WDR47: variants seen among roughly 807,000 people sequenced by gnomAD.
WDR47 encodes the protein WD repeat-containing protein 47.
Under a neutral mutation model 97.2 loss-of-function variants are expected in WDR47, and 32 were observed. The observed-to-expected ratio is 0.33, with a 90% confidence interval of 0.25 to 0.44. The LOEUF (loss-of-function observed/expected upper bound fraction) is 0.44, where lower values mean the gene tolerates loss of function less well. Among genes scored for constraint, WDR47 ranks in the 20% least tolerant of loss-of-function variants. The probability of loss-of-function intolerance (pLI) is 1.00; values close to 1 mark genes in which losing one functional copy is unlikely to be tolerated. For synonymous variants in WDR47, 375 were observed against 373.5 expected (o/e 1.00, Z -0.05); for missense variants, 782 against 1,102.3 (o/e 0.71, Z 4.11).
chr1:108,990,740 G>T (rs1659270074), intron 9 of WDR47, among the ~76,000 whole-genome samples: 1 of 151,786 alleles, frequency 6.6e-6, no homozygotes, highest in Non-Finnish European at 1.5e-5. Flanking sequence ...AAGGATGTTT[G>T]CTTCCAAAGC....
chr1:109,033,693 G>A (rs953888265), intron 1 of WDR47, among the ~76,000 whole-genome samples: 1 of 152,346 alleles, frequency 6.6e-6, no homozygotes, highest in East Asian at 1.9e-4. Flanking sequence ...GGCCAAGGCG[G>A]GCAGATCACA....
At chr1:109,013,108 T>C (rs972863591) in intron 4 of WDR47, among the ~76,000 whole-genome samples, 11 of 152,138 alleles carry the variant, frequency 7.2e-5, no homozygotes, top group African/African-American at 2.4e-4. Flanking sequence ...GAGAGCTAGC[T>C]AGCCTCTTTA....
Position 108,982,687 on chromosome 1 carries a change from C to A in WDR47, c.2188G>T (p.Ala730Ser). The A allele has an allele frequency of 6.2e-7, 1 of 1,614,112 alleles. No homozygotes were observed. The highest frequency in any genetic ancestry group is 8.5e-7 in the Non-Finnish European group (1 of 1,180,010). Residue 730 changes from alanine (A) to serine (S), a missense_variant, in exon 12 of 15, where the codon GCT (alanine) becomes TCT (serine). Physicochemically the swap from Ala to Ser is moderately conservative, Grantham distance 99. Transcript: ENST00000369962. ...TAAATGTTACAATCCCCTGCTCCAG[C>A]ACTTATTAAAATAGCTCCTCCGCTT... is the stretch of plus-strand genomic sequence containing the variant. The part of the protein sequence containing the change: ...PESGGAILIS[A>S]GAGDCNIYTT...
chr1:109,026,594 C>G (rs1047906972), intron 1 of WDR47, among the ~76,000 whole-genome samples: 2 of 152,026 alleles, frequency 1.3e-5, no homozygotes, highest in Non-Finnish European at 2.9e-5. Flanking sequence ...TAATTTAACT[C>G]TCAGAAAAAA....
At chr1:109,002,201 TA>T in intron 7 of WDR47, 22 bp downstream of exon 7, 1 of 1,530,924 alleles carries the variant, frequency 6.5e-7, no homozygotes, top group South Asian at 1.3e-5. Flanking sequence ...CTCCATATTT[TA>T]AAAAGTGATT....
chr1:109,014,203 G>A (rs1661241941), intron 3 of WDR47, among the ~76,000 whole-genome samples: 1 of 151,796 alleles, frequency 6.6e-6, no homozygotes, highest in African/African-American at 2.4e-5. Flanking sequence ...TATCCAAAAT[G>A]TTTTGTTTAC....
chr1:109,041,750 C>T (rs1050287762), intron 1 of WDR47, 112 bp downstream of exon 1: 1 of 152,294 alleles, frequency 6.6e-6, no homozygotes, highest in Non-Finnish European at 1.5e-5. Context: ...ACACAGTCCT[C>T]GGGGCCGCCC....
intron 13 of WDR47, among the ~76,000 whole-genome samples, chr1:108,979,828 T>C (rs1391285967): frequency 6.6e-6 from 1 of 152,298 alleles, no homozygotes; most frequent in Non-Finnish European, 1.5e-5. Flanking sequence ...TAATAAGCCT[T>C]ATTGAATTGC....
intron 7 of WDR47, among the ~76,000 whole-genome samples, chr1:109,001,216 G>T (rs1660159201): frequency 6.6e-6 from 1 of 152,000 alleles, no homozygotes; most frequent in Non-Finnish European, 1.5e-5. Flanking sequence ...TCGAACTCAG[G>T]AGTCAGAGGT....
chr1:109,030,600 C>A (rs970021975), intron 1 of WDR47, among the ~76,000 whole-genome samples: 2 of 147,294 alleles, frequency 1.4e-5, no homozygotes, highest in African/African-American at 2.5e-5. Flanking sequence ...AAAAACTGCT[C>A]TCTTTAATCT....
intron 8 of WDR47, 32 bp from the exon 9 acceptor site, chr1:108,991,361 T>G (rs768109050): frequency 1.3e-5 from 20 of 1,564,354 alleles, no homozygotes; most frequent in Non-Finnish European, 1.7e-5. Flanking sequence ...TAAAGTTTAC[T>G]CCATGTATCA....
intron 4 of WDR47, 84 bp downstream of exon 4, chr1:109,013,757 A>G: frequency 7.0e-7 from 1 of 1,429,394 alleles, no homozygotes; most frequent in Non-Finnish European, 9.7e-7. Context: ...AAAACTTGTG[A>G]TGCTAATCCT....
intron 4 of WDR47, among the ~76,000 whole-genome samples, chr1:109,013,084 T>C (rs993366437): frequency 2.0e-5 from 3 of 152,052 alleles, no homozygotes; most frequent in African/African-American, 4.8e-5. Flanking sequence ...TTAGTGCCCA[T>C]ATAAGAGACC....
At position 108,991,304 on chromosome 1, in the gene WDR47, G is replaced by A. The variant is rs772081855; in HGVS notation, c.1717C>T (p.Pro573Ser). The A allele has an allele frequency of 1.9e-6, 3 of 1,612,142 alleles. No homozygotes were observed. The highest frequency in any genetic ancestry group is 2.5e-6 in the Non-Finnish European group (3 of 1,178,642). ...CTCCCTGGAGAATCTCCAAGAGGTG[G>A]CTTAATGACCGAATGTTCTGAAGAG... ...QISSEHSVIK[P>S]PLGDSPGSLS... The change falls in exon 9 of 15, where the codon CCA becomes TCA. Residue 573 changes from proline (P) to serine (S), a missense_variant. By Grantham distance (74) the Pro-to-Ser change is moderately conservative. Coordinates refer to ENST00000369962, the MANE Select transcript of WDR47 (RefSeq NM_001142551.2).
intron 5 of WDR47, among the ~76,000 whole-genome samples, chr1:109,005,548 C>T (rs979566544): frequency 6.6e-6 from 1 of 152,092 alleles, no homozygotes; most frequent in Non-Finnish European, 1.5e-5. Context: ...GGTTATTAGG[C>T]AGGGAGAGTG....
chr1:109,008,984 C>G (rs1337335111), intron 5 of WDR47, among the ~76,000 whole-genome samples: 2 of 152,016 alleles, frequency 1.3e-5, no homozygotes, highest in African/African-American at 4.8e-5. Context: ...ACTCGGGAGG[C>G]TGAGGCAGGA....
At chr1:109,005,083 C>T (rs568800226) in intron 5 of WDR47, among the ~76,000 whole-genome samples, 3 of 152,010 alleles carry the variant, frequency 2.0e-5, no homozygotes, top group Non-Finnish European at 2.9e-5. Context: ...TGAGCCACCA[C>T]GCTCAGCCAA....
intron 7 of WDR47, among the ~76,000 whole-genome samples, chr1:109,000,194 A>C (rs1281503790): frequency 6.6e-6 from 1 of 151,852 alleles, no homozygotes; most frequent in Non-Finnish European, 1.5e-5. Flanking sequence ...CTAACATGAC[A>C]GAGCAAGACT....
intron 7 of WDR47, among the ~76,000 whole-genome samples, chr1:108,996,961 C>T (rs1659796807): frequency 6.6e-6 from 1 of 151,978 alleles, no homozygotes; most frequent in Admixed American, 6.6e-5. Context: ...ACTAAAAATA[C>T]AAGAATTAGC....
Sources: allele counts gnomAD v4.1 joint callset (sites outside exome capture counted in the v4.1 genomes callset), GRCh38; gene constraint gnomAD v4.1.1; transcripts MANE v1.5; gene names NCBI Gene and HGNC (gene_info 2026-07-23, HGNC 2026-07-21).